MARCHF3: variants seen among roughly 807,000 people sequenced by gnomAD.
The protein encoded by MARCHF3 is E3 ubiquitin-protein ligase MARCHF3.
MARCHF3 carries 13 observed loss-of-function variants against 24.2 expected under a neutral mutation model. The observed-to-expected ratio is 0.54, with a 90% CI of 0.35 to 0.85. The LOEUF is 0.85. Among genes scored for constraint, MARCHF3 ranks in the 40% least tolerant of loss-of-function variants. MARCHF3 has a pLI of 0.01. For synonymous variants in MARCHF3, 144 were observed against 137.3 expected (o/e 1.05, Z -0.34); for missense variants, 276 against 325.0 (o/e 0.85, Z 1.16).
At chr5:126,892,292 C>A (rs1459110406) in intron 3 of MARCHF3, among the ~76,000 whole-genome samples, 1 of 150,114 alleles carries the variant, frequency 6.7e-6, no homozygotes, top group Non-Finnish European at 1.5e-5. Context: ...CCTTCTCCTG[C>A]CTAATTGCCC....
intron 3 of MARCHF3, among the ~76,000 whole-genome samples, chr5:126,907,765 TC>T (rs1484848455): frequency 2.7e-5 from 4 of 149,516 alleles, no homozygotes; most frequent in African/African-American, 9.8e-5. Context: ...GGGTCTTGAC[TC>T]TTTATCCAAT....
chr5:127,015,015 T>C lies in MARCHF3; in HGVS notation c.-57+15335A>G, dbSNP rs368675366. ...ACAAAGAAATGATAAATGTTTGAGATGATAGATATGATAATTACCCTGATC... is the reference window on the plus strand; with the variant it reads ...ACAAAGAAATGATAAATGTTTGAGACGATAGATATGATAATTACCCTGATC... On this transcript the variant is annotated intron_variant, in intron 1 of 4. Coordinates refer to ENST00000308660, the MANE Select transcript of MARCHF3 (RefSeq NM_178450.5). Among the ~76,000 whole-genome samples the C allele has an allele frequency of 2.7e-3, 408 of 152,194 alleles. 2 individuals carry two copies. The highest frequency in any genetic ancestry group is 9.6e-3 in the African/African-American group (397 of 41,470).
chr5:126,885,870 CT>C (rs1313013402), intron 3 of MARCHF3, among the ~76,000 whole-genome samples: 2 of 151,932 alleles, frequency 1.3e-5, no homozygotes, highest in Admixed American at 6.6e-5. Context: ...TCGATTCAAA[CT>C]TTTTTTCCTA....
chr5:126,887,603 C>T (rs539487626), intron 3 of MARCHF3, among the ~76,000 whole-genome samples: 6 of 152,290 alleles, frequency 3.9e-5, no homozygotes, highest in East Asian at 1.9e-4. Context: ...GGGATCCATG[C>T]GCTTCAACAC....
At chr5:126,957,028 G>C (rs1003507711) in intron 1 of MARCHF3, among the ~76,000 whole-genome samples, 2 of 152,206 alleles carry the variant, frequency 1.3e-5, no homozygotes, top group Non-Finnish European at 1.5e-5. Flanking sequence ...CTGGGACTAT[G>C]GGCACATGCC....
At chr5:126,934,714 GA>G (rs1476537739) in intron 1 of MARCHF3, among the ~76,000 whole-genome samples, 2 of 152,164 alleles carry the variant, frequency 1.3e-5, no homozygotes, top group Non-Finnish European at 2.9e-5. Context: ...AAGGAAGGAA[GA>G]GGGGGAAGAA....
chr5:127,004,729 T>C (rs1039026489), intron 1 of MARCHF3, among the ~76,000 whole-genome samples: 34 of 152,168 alleles, frequency 2.2e-4, no homozygotes, highest in African/African-American at 7.5e-4. Flanking sequence ...CAACTTCCTT[T>C]ACATGCACAT....
intron 1 of MARCHF3, among the ~76,000 whole-genome samples, chr5:127,023,488 T>G (rs1752880194): frequency 6.6e-6 from 1 of 152,166 alleles, no homozygotes; most frequent in Admixed American, 6.5e-5. Context: ...CCCAGCACTT[T>G]GGGAAGCTGA....
intron 1 of MARCHF3, among the ~76,000 whole-genome samples, chr5:126,999,364 C>G (rs570403892): frequency 1.1e-4 from 17 of 152,298 alleles, no homozygotes; most frequent in African/African-American, 3.6e-4. Context: ...TCCAACACAA[C>G]TTCCTGCACA....
At chr5:126,917,255 T>A (rs966588118) in intron 2 of MARCHF3, among the ~76,000 whole-genome samples, 4 of 152,128 alleles carry the variant, frequency 2.6e-5, no homozygotes, top group African/African-American at 9.7e-5. Context: ...GCCAAGGAGT[T>A]CCTATTAGCC....
At chr5:126,878,086 G>C in intron 4 of MARCHF3, 99 bp downstream of exon 4, 1 of 1,157,950 alleles carries the variant, frequency 8.6e-7, no homozygotes, top group Non-Finnish European at 1.3e-6. Flanking sequence ...GTTTTCTACC[G>C]GGCAGGTGAG....
intron 1 of MARCHF3, among the ~76,000 whole-genome samples, chr5:126,951,555 A>T (rs1244234056): frequency 1.3e-5 from 2 of 152,244 alleles, no homozygotes; most frequent in African/African-American, 4.8e-5. Flanking sequence ...AGTCAGCGGC[A>T]TCTCCATCCT....
At chr5:126,871,612 T>A (rs1752968097) in intron 4 of MARCHF3, among the ~76,000 whole-genome samples, 1 of 152,206 alleles carries the variant, frequency 6.6e-6, no homozygotes, top group Non-Finnish European at 1.5e-5. Flanking sequence ...TGTCTTGCAC[T>A]TAGGAAATTG....
chr5:127,018,734 A>G (rs1288459633), intron 1 of MARCHF3, among the ~76,000 whole-genome samples: 1 of 152,216 alleles, frequency 6.6e-6, no homozygotes, highest in African/African-American at 2.4e-5. Context: ...AGGCCCAATC[A>G]CCCAATGCCC....
At chr5:126,901,883 C>A (rs183495530) in intron 3 of MARCHF3, among the ~76,000 whole-genome samples, 2 of 152,068 alleles carry the variant, frequency 1.3e-5, no homozygotes, top group Non-Finnish European at 2.9e-5. Flanking sequence ...AGTGACATTT[C>A]AATTCTCCTC....
At chr5:126,955,391 C>G (rs1750405728) in intron 1 of MARCHF3, among the ~76,000 whole-genome samples, 1 of 152,208 alleles carries the variant, frequency 6.6e-6, no homozygotes, top group Non-Finnish European at 1.5e-5. Context: ...GACCACATTT[C>G]AAATTTTAGC....
At chr5:126,997,829 T>C (rs1751998968) in intron 1 of MARCHF3, among the ~76,000 whole-genome samples, 1 of 152,180 alleles carries the variant, frequency 6.6e-6, no homozygotes, top group African/African-American at 2.4e-5. Context: ...GCTACCACTA[T>C]TGGGGAATTA....
intron 1 of MARCHF3, among the ~76,000 whole-genome samples, chr5:126,934,150 G>A (rs1187749346): frequency 6.6e-6 from 1 of 152,118 alleles, no homozygotes; most frequent in Non-Finnish European, 1.5e-5. Flanking sequence ...CCCTCCACCT[G>A]ACAGAACCTC....
intron 3 of MARCHF3, among the ~76,000 whole-genome samples, chr5:126,878,951 G>A (rs1468406966): frequency 1.3e-5 from 2 of 152,144 alleles, no homozygotes; most frequent in Admixed American, 1.3e-4. Context: ...CTAGTATGAT[G>A]AGACACTTTA....
Sources: gnomAD v4.1 joint callset for allele counts (sites outside exome capture counted in the v4.1 genomes callset) on GRCh38, gnomAD v4.1.1 for gene constraint, MANE v1.5 for transcripts, NCBI Gene and HGNC (gene_info 2026-07-23, HGNC 2026-07-21) for gene names.